HMCN1: variants seen among roughly 807,000 people sequenced by gnomAD.
The protein encoded by HMCN1 is hemicentin 1.
A neutral mutation model predicts 625.9 loss-of-function variants in HMCN1; 321 were observed. The observed-to-expected ratio is 0.51, with a 90% CI of 0.47 to 0.56. HMCN1 has a LOEUF of 0.56. HMCN1 is among the 20% of genes least tolerant of loss of function. The pLI is 0.00. For missense variants in HMCN1, 6,588 were observed against 6,887.3 expected (o/e 0.96, Z 1.54); for synonymous variants, 2,425 against 2,417.6 (o/e 1.00, Z -0.09).
intron 64 of HMCN1, among the ~76,000 whole-genome samples, chr1:186,092,344 AAAAG>A (rs1267460398): frequency 6.6e-6 from 1 of 151,910 alleles, no homozygotes; most frequent in Non-Finnish European, 1.5e-5. Flanking sequence ...TTTATTTTGA[AAAAG>A]AAAAAATACA....
intron 2 of HMCN1, among the ~76,000 whole-genome samples, chr1:185,855,774 T>C (rs1662429340): frequency 6.6e-6 from 1 of 152,164 alleles, no homozygotes; most frequent in Non-Finnish European, 1.5e-5. Flanking sequence ...AGCATGGACA[T>C]TGTTGTAATT....
intron 45 of HMCN1, 151 bp downstream of exon 45, chr1:186,055,825 T>G: frequency 1.3e-6 from 1 of 772,952 alleles, no homozygotes; most frequent in Non-Finnish European, 2.2e-6. Flanking sequence ...GTCTCATCAT[T>G]TATCCTTCTA....
At chr1:186,006,473 T>G (rs1029334540) in intron 29 of HMCN1, among the ~76,000 whole-genome samples, 2 of 152,128 alleles carry the variant, frequency 1.3e-5, no homozygotes, top group Non-Finnish European at 2.9e-5. Context: ...TTACATAAAC[T>G]GAGCGTTTTA....
chr1:186,071,944 C>T (rs1257224732), intron 52 of HMCN1, among the ~76,000 whole-genome samples: 1 of 151,880 alleles, frequency 6.6e-6, no homozygotes, highest in Non-Finnish European at 1.5e-5. Context: ...TGAACACATA[C>T]ACACATTAAA....
intron 103 of HMCN1, among the ~76,000 whole-genome samples, chr1:186,176,321 G>C (rs1361686822): frequency 6.6e-6 from 1 of 152,142 alleles, no homozygotes; most frequent in Non-Finnish European, 1.5e-5. Context: ...AGTTTTGCCA[G>C]TATTCCTACC....
chr1:185,901,987 G>A (rs1249396457), intron 4 of HMCN1, among the ~76,000 whole-genome samples: 1 of 151,638 alleles, frequency 6.6e-6, no homozygotes, highest in Admixed American at 6.6e-5. Context: ...AGTATATGTT[G>A]GGGGTGGGAA....
At chr1:185,936,547 C>T (rs889864932) in intron 11 of HMCN1, among the ~76,000 whole-genome samples, 2 of 152,140 alleles carry the variant, frequency 1.3e-5, no homozygotes, top group African/African-American at 4.8e-5. Context: ...GAAAATGTTA[C>T]TCTTTGAAGA....
At chr1:186,141,064 G>A (rs1269807242) in intron 89 of HMCN1, among the ~76,000 whole-genome samples, 2 of 152,120 alleles carry the variant, frequency 1.3e-5, no homozygotes, top group Admixed American at 1.3e-4. Flanking sequence ...ATTGATGGGG[G>A]ACAGTGACAG....
At chr1:186,041,162 C>T (rs769187248) in intron 40 of HMCN1, 26 bp downstream of exon 40, 1 of 1,603,216 alleles carries the variant, frequency 6.2e-7, no homozygotes, top group Non-Finnish European at 8.5e-7. Flanking sequence ...AATTAATTCT[C>T]TTCTGGTAGA....
At chr1:186,005,380 A>C (rs990996124) in intron 29 of HMCN1, among the ~76,000 whole-genome samples, 2 of 147,098 alleles carry the variant, frequency 1.4e-5, no homozygotes, top group Non-Finnish European at 3.0e-5. Context: ...TTGTTTATAA[A>C]TGTTTATAAA....
At chr1:186,098,708 A>C (rs1298809255) in intron 68 of HMCN1, among the ~76,000 whole-genome samples, 1 of 152,170 alleles carries the variant, frequency 6.6e-6, no homozygotes, top group Non-Finnish European at 1.5e-5. Context: ...AAATGAAATC[A>C]GTATGTCAAA....
intron 93 of HMCN1, among the ~76,000 whole-genome samples, chr1:186,148,696 A>T (rs1404261799): frequency 6.6e-6 from 1 of 152,010 alleles, no homozygotes; most frequent in Admixed American, 6.6e-5. Flanking sequence ...TAGTAGAGAC[A>T]GGGTTTCACC....
In HMCN1 at chr1:186,000,051, CT is replaced by C; in HGVS notation, c.3882del (p.Lys1295AsnfsTer13). Reference sequence around the variant, plus strand: ...ACTTTAATTTCTTATTTAGGTACCCCTAAACCAACCATCAAATGGTTACACA... The same window carrying C: ...ACTTTAATTTCTTATTTAGGTACCCCAAACCAACCATCAAATGGTTACACA... ...IEFPCPAKGT[P>X]KPTIKWLHNG... On this transcript the variant is annotated frameshift_variant, in exon 26 of 107. Coordinates refer to ENST00000271588, the MANE Select transcript of HMCN1 (RefSeq NM_031935.3). LOFTEE classifies it high-confidence loss of function. 6.2e-7 allele frequency: 1 copy of C among 1,611,216 alleles called. No homozygotes were observed. The highest frequency in any genetic ancestry group is 8.5e-7 in the Non-Finnish European group (1 of 1,178,096).
intron 6 of HMCN1, among the ~76,000 whole-genome samples, chr1:185,914,962 G>T (rs192554016): frequency 4.6e-5 from 7 of 152,148 alleles, no homozygotes; most frequent in African/African-American, 1.7e-4. Flanking sequence ...GCAGGCAGAA[G>T]AACTGGTTTA....
intron 63 of HMCN1, among the ~76,000 whole-genome samples, chr1:186,089,557 GA>G (rs34459994): frequency 0.013 from 1,982 of 152,132 alleles, 18 homozygotes; most frequent in Middle Eastern, 0.037. Flanking sequence ...TTCAGAAGCT[GA>G]AGGAAAAACA....
intron 70 of HMCN1, 115 bp downstream of exon 70, chr1:186,107,080 G>T: frequency 2.6e-6 from 2 of 776,896 alleles, no homozygotes; most frequent in Non-Finnish European, 4.5e-6. Context: ...TATATATTTT[G>T]CAAATCTGAA....
intron 1 of HMCN1, among the ~76,000 whole-genome samples, chr1:185,841,707 A>G (rs1661488644): frequency 1.3e-5 from 2 of 152,202 alleles, no homozygotes. Context: ...GATGCTGGCT[A>G]TCATGCTGCT....
At chr1:186,087,687 G>A in intron 60 of HMCN1, 42 bp downstream of exon 60, 1 of 1,570,068 alleles carries the variant, frequency 6.4e-7, no homozygotes. Flanking sequence ...ACACCTTGGT[G>A]GGGTGGTGGA....
At position 186,125,610 on chromosome 1, in the gene HMCN1, C is replaced by T; in HGVS notation, c.12506C>T (p.Pro4169Leu). Residue 4169 changes from proline (P) to leucine (L), a missense_variant, in exon 82 of 107, where the codon CCC (proline) becomes CTC (leucine). This residue lies in a region of HMCN1 where 1,954 missense variants were observed against 2,013.1 expected (regional missense o/e 0.97). Transcript: ENST00000271588. Reference sequence around the variant, plus strand: ...TTTTTTAAACTCTTCATAGTACCACCCAGGATCAGAAGTACAGAAGGACAC... The same window carrying T: ...TTTTTTAAACTCTTCATAGTACCACTCAGGATCAGAAGTACAGAAGGACAC... Reference protein sequence around the residue: ...TSTKLTVHVPPRIRSTEGHYT... With the variant: ...TSTKLTVHVPLRIRSTEGHYT... 1 of 1,612,206 alleles carries T rather than the reference C, an allele frequency of 6.2e-7. No individual in the cohort carries two copies. Among genetic ancestry groups the T allele is most frequent in the Non-Finnish European group, 8.5e-7 (1 of 1,178,546 alleles).
Sources: gnomAD v4.1 joint callset for allele counts (sites outside exome capture counted in the v4.1 genomes callset) on GRCh38, gnomAD v4.1.1 for gene constraint, gnomAD v4.1.1 regional missense constraint, MANE v1.5 for transcripts, NCBI Gene and HGNC (gene_info 2026-07-23, HGNC 2026-07-21) for gene names.